The following ZNF704 variants were observed in gnomAD, a reference collection of about 807,000 sequenced individuals.
ZNF704 encodes zinc finger protein 704.
ZNF704 carries 10 observed loss-of-function variants against 44.7 expected under a neutral mutation model. That is an observed-to-expected ratio of 0.22 (90% confidence interval 0.14 to 0.38). The LOEUF (loss-of-function observed/expected upper bound fraction) is 0.38, where lower values mean the gene tolerates loss of function less well. Among genes scored for constraint, ZNF704 ranks in the 10% least tolerant of loss-of-function variants. The pLI is 1.00. For missense variants in ZNF704, 390 were observed against 545.5 expected (o/e 0.71, Z 2.84); for synonymous variants, 211 against 207.6 (o/e 1.02, Z -0.14).
chr8:80,676,624 T>G (rs961761692), intron 4 of ZNF704, among the ~76,000 whole-genome samples: 1 of 152,182 alleles, frequency 6.6e-6, no homozygotes, highest in Non-Finnish European at 1.5e-5. Context: ...AGGTTGTGTA[T>G]GAAGTTTGAG....
intron 4 of ZNF704, among the ~76,000 whole-genome samples, chr8:80,678,041 C>G (rs372479864): frequency 1.3e-5 from 2 of 152,190 alleles, no homozygotes; most frequent in Non-Finnish European, 2.9e-5. Flanking sequence ...TCGTACATTT[C>G]TCTTCCAATC....
chr8:80,792,005 A>G (rs1807716653), intron 2 of ZNF704, among the ~76,000 whole-genome samples: 1 of 152,210 alleles, frequency 6.6e-6, no homozygotes, highest in South Asian at 2.1e-4. Context: ...TTGCTGAATG[A>G]CTGGAGAAAG....
chr8:80,817,657 A>T (rs984710210), intron 2 of ZNF704, among the ~76,000 whole-genome samples: 1 of 152,220 alleles, frequency 6.6e-6, no homozygotes, highest in Non-Finnish European at 1.5e-5. Context: ...TTCTGAAACT[A>T]GCAACTTTAA....
chr8:80,852,859 T>C (rs1167337333), intron 1 of ZNF704, among the ~76,000 whole-genome samples: 1 of 152,200 alleles, frequency 6.6e-6, no homozygotes, highest in Non-Finnish European at 1.5e-5. Flanking sequence ...CCCCCCAAAG[T>C]GCCTAGCATG....
chr8:80,688,958 CAAAAAA>C (rs57878370), intron 3 of ZNF704, among the ~76,000 whole-genome samples: 3 of 71,398 alleles, frequency 4.2e-5, no homozygotes, highest in African/African-American at 1.2e-4. Flanking sequence ...GACTCTGTCT[CAAAAAA>C]AAAAAAAAAA....
At chr8:80,735,372 G>A (rs1425973986) in intron 2 of ZNF704, among the ~76,000 whole-genome samples, 1 of 152,036 alleles carries the variant, frequency 6.6e-6, no homozygotes, top group Non-Finnish European at 1.5e-5. Context: ...CATGCTTATC[G>A]TTCTTTGAAC....
chr8:80,740,877 G>A (rs1806744794), intron 2 of ZNF704, among the ~76,000 whole-genome samples: 1 of 152,188 alleles, frequency 6.6e-6, no homozygotes, highest in Non-Finnish European at 1.5e-5. Flanking sequence ...TTGTCCTTTG[G>A]TACGTGGATG....
chr8:80,815,994 C>G (rs2129859146), intron 2 of ZNF704, among the ~76,000 whole-genome samples: 1 of 152,324 alleles, frequency 6.6e-6, no homozygotes, highest in South Asian at 2.1e-4. Flanking sequence ...ACTCTGTGAG[C>G]TACCTTGATG....
At chr8:80,790,092 C>T (rs1296939703) in intron 2 of ZNF704, among the ~76,000 whole-genome samples, 1 of 152,156 alleles carries the variant, frequency 6.6e-6, no homozygotes, top group African/African-American at 2.4e-5. Context: ...TGTGCTGTGT[C>T]AGCTAGAAGC....
At chr8:80,845,340 A>C (rs534431517) in intron 1 of ZNF704, among the ~76,000 whole-genome samples, 10 of 152,302 alleles carry the variant, frequency 6.6e-5, no homozygotes, top group African/African-American at 1.9e-4. Context: ...TCTGGTGATA[A>C]GAACAGTCTT....
intron 2 of ZNF704, among the ~76,000 whole-genome samples, chr8:80,816,463 A>G (rs1002429413): frequency 1.3e-5 from 2 of 152,238 alleles, no homozygotes; most frequent in Non-Finnish European, 2.9e-5. Context: ...GTACTGACAC[A>G]TGCTATCACA....
intron 2 of ZNF704, among the ~76,000 whole-genome samples, chr8:80,734,534 A>G (rs1806633643): frequency 1.3e-5 from 2 of 152,140 alleles, no homozygotes; most frequent in African/African-American, 4.8e-5. Context: ...AATTTTCATT[A>G]GAAAGGAAGG....
chr8:80,770,495 C>T (rs1214298909), intron 2 of ZNF704, among the ~76,000 whole-genome samples: 2 of 152,122 alleles, frequency 1.3e-5, no homozygotes, highest in Non-Finnish European at 2.9e-5. Context: ...TGCTTATTTG[C>T]TATATGTCCT....
chr8:80,686,750 G>GT (rs1332438909), intron 4 of ZNF704, among the ~76,000 whole-genome samples: 3 of 151,944 alleles, frequency 2.0e-5, no homozygotes, highest in African/African-American at 7.3e-5. Flanking sequence ...ATGGAAGTTT[G>GT]TTTATATCTC....
intron 2 of ZNF704, among the ~76,000 whole-genome samples, chr8:80,737,070 A>T (rs1320761634): frequency 1.3e-5 from 2 of 152,218 alleles, no homozygotes; most frequent in East Asian, 3.8e-4. Flanking sequence ...CAATAACGCT[A>T]TAGTAGGAAC....
chr8:80,717,782 T>G (rs574740454), intron 2 of ZNF704, among the ~76,000 whole-genome samples: 20 of 152,344 alleles, frequency 1.3e-4, no homozygotes, highest in African/African-American at 4.8e-4. Flanking sequence ...GTAGCTCTCA[T>G]CATGACACTG....
chr8:80,724,568 T>C (rs889963100), intron 2 of ZNF704, among the ~76,000 whole-genome samples: 2 of 152,188 alleles, frequency 1.3e-5, no homozygotes, highest in Non-Finnish European at 2.9e-5. Context: ...AGTCCAGACC[T>C]TCTAAAACTG....
At chr8:80,709,796 C>T (rs1432347470) in intron 2 of ZNF704, among the ~76,000 whole-genome samples, 1 of 152,124 alleles carries the variant, frequency 6.6e-6, no homozygotes, top group African/African-American at 2.4e-5. Flanking sequence ...GGAGCAGCCC[C>T]AGGGAGGATG....
At chr8:80,868,993 C>T (rs902201256) in intron 1 of ZNF704, among the ~76,000 whole-genome samples, 9 of 152,198 alleles carry the variant, frequency 5.9e-5, no homozygotes, top group African/African-American at 1.9e-4. Flanking sequence ...CATGTGGGTG[C>T]CACCTCTGGG....
Sources: gnomAD v4.1 joint callset for allele counts (sites outside exome capture counted in the v4.1 genomes callset) on GRCh38, gnomAD v4.1.1 for gene constraint, MANE v1.5 for transcripts, NCBI Gene and HGNC (gene_info 2026-07-23, HGNC 2026-07-21) for gene names.